Variants in TMEM45A observed in about 807,000 individuals in gnomAD.
TMEM45A encodes the protein DNA polymerase-transactivated protein 4.
In TMEM45A, 25 loss-of-function variants were observed where a neutral mutation model predicts 32.0. The ratio of observed to expected loss-of-function variants is 0.78; its 90% CI spans 0.57 to 1.09. The LOEUF (loss-of-function observed/expected upper bound fraction) is 1.09. TMEM45A is among the 50% of genes least tolerant of loss of function. The pLI is 0.00. For missense variants in TMEM45A, 302 were observed against 325.0 expected, an observed-to-expected ratio of 0.93 and a Z score of 0.54; for synonymous variants, 122 against 114.8, an observed-to-expected ratio of 1.06 and a Z score of -0.40.
intron 1 of TMEM45A, among the ~76,000 whole-genome samples, chr3:100,524,598 A>T (rs562750680): frequency 7.9e-4 from 120 of 152,264 alleles, no homozygotes; most frequent in African/African-American, 2.6e-3. Flanking sequence ...CCCAATTGAG[A>T]TGTGTTGTAA....
rs78085934 is a variant in TMEM45A at position 100,501,086 on chromosome 3, G to A, written c.-4+8158G>A. 4.4e-3 allele frequency among the ~76,000 whole-genome samples: 669 copies of A among 152,024 alleles called. 9 individuals are homozygous for A. The highest frequency in any genetic ancestry group is 0.016 in the African/African-American group (656 of 41,464). On this transcript the variant is annotated intron_variant, in intron 1 of 5. Coordinates refer to ENST00000323523, the MANE Select transcript of TMEM45A (RefSeq NM_018004.3). ...GAGAAAATTGATTTTTAAAAAATAC[G>A]ATATGCTTAAGGAAATTGATGTTTA...
intron 5 of TMEM45A, chr3:100,570,804 A>G (rs1403782785): frequency 6.6e-6 from 1 of 152,150 alleles, no homozygotes; most frequent in Non-Finnish European, 1.5e-5. Flanking sequence ...TGGACACTCC[A>G]TTTTTTATTT....
intron 1 of TMEM45A, among the ~76,000 whole-genome samples, chr3:100,545,084 A>G (rs897075141): frequency 6.6e-6 from 1 of 152,206 alleles, no homozygotes; most frequent in African/African-American, 2.4e-5. Flanking sequence ...ATGACTAATG[A>G]TCTCGAACAT....
At chr3:100,528,436 T>C (rs1453057655) in intron 1 of TMEM45A, among the ~76,000 whole-genome samples, 1 of 152,204 alleles carries the variant, frequency 6.6e-6, no homozygotes, top group Non-Finnish European at 1.5e-5. Context: ...CCTGACCTTC[T>C]GTGAAGTGAG....
At chr3:100,523,704 C>CCTTT (rs1292016982) in intron 1 of TMEM45A, among the ~76,000 whole-genome samples, 8 of 150,694 alleles carry the variant, frequency 5.3e-5, no homozygotes, top group African/African-American at 1.7e-4. Context: ...TCCTTCTCCT[C>CCTTT]CTCCTCCTTT....
At chr3:100,559,296 G>A (rs1178185318) in intron 4 of TMEM45A, among the ~76,000 whole-genome samples, 2 of 152,168 alleles carry the variant, frequency 1.3e-5, no homozygotes, top group Non-Finnish European at 2.9e-5. Flanking sequence ...GGTTTAATCA[G>A]GGAAGACTTC....
intron 1 of TMEM45A, among the ~76,000 whole-genome samples, chr3:100,533,872 C>A (rs527789816): frequency 1.3e-5 from 2 of 152,210 alleles, no homozygotes; most frequent in African/African-American, 4.8e-5. Flanking sequence ...AAATAACATG[C>A]CCAATGTCAA....
chr3:100,565,950 C>T (rs968459144), intron 4 of TMEM45A, among the ~76,000 whole-genome samples: 10 of 152,170 alleles, frequency 6.6e-5, no homozygotes, highest in Admixed American at 2.6e-4. Context: ...TCCTAGCCCC[C>T]GGTACCACTG....
intron 5 of TMEM45A, chr3:100,571,386 T>C (rs561832139): frequency 6.6e-6 from 1 of 152,126 alleles, no homozygotes; most frequent in Non-Finnish European, 1.5e-5. Flanking sequence ...CAACAAGTAT[T>C]GTTTACTGCA....
At chr3:100,558,105 T>G (rs865956927) in intron 3 of TMEM45A, among the ~76,000 whole-genome samples, 3 of 152,230 alleles carry the variant, frequency 2.0e-5, no homozygotes, top group Non-Finnish European at 2.9e-5. Flanking sequence ...GGAAAAGATA[T>G]TCATTCAAAA....
At chr3:100,518,684 T>C (rs1018687530) in intron 1 of TMEM45A, among the ~76,000 whole-genome samples, 1 of 152,228 alleles carries the variant, frequency 6.6e-6, no homozygotes, top group African/African-American at 2.4e-5. Flanking sequence ...TATTCATTCC[T>C]GAGTCGTATT....
intron 1 of TMEM45A, among the ~76,000 whole-genome samples, chr3:100,509,896 C>G (rs1708131068): frequency 6.6e-6 from 1 of 152,210 alleles, no homozygotes. Flanking sequence ...CACCCGAATA[C>G]TGCGCTTTTC....
intron 1 of TMEM45A, among the ~76,000 whole-genome samples, chr3:100,532,989 A>G (rs754479985): frequency 5.9e-5 from 9 of 152,194 alleles, no homozygotes; most frequent in Non-Finnish European, 1.3e-4. Context: ...GAGTTGCATT[A>G]TAATCCCTAT....
intron 1 of TMEM45A, among the ~76,000 whole-genome samples, chr3:100,495,572 A>G (rs1029075792): frequency 6.6e-6 from 1 of 152,192 alleles, no homozygotes; most frequent in African/African-American, 2.4e-5. Context: ...GGGAGATGGC[A>G]AGCCGAACTG....
chr3:100,495,408 T>C (rs530198568), intron 1 of TMEM45A, among the ~76,000 whole-genome samples: 1 of 152,274 alleles, frequency 6.6e-6, no homozygotes, highest in East Asian at 1.9e-4. Context: ...AAAGGCACTA[T>C]GGCTGGAAAG....
chr3:100,522,547 T>A (rs1261787055), intron 1 of TMEM45A, among the ~76,000 whole-genome samples: 2 of 152,192 alleles, frequency 1.3e-5, no homozygotes, highest in African/African-American at 4.8e-5. Flanking sequence ...GGTGCTGGCC[T>A]ATAGTCTAAT....
chr3:100,554,899 AG>A (rs1706182097), intron 1 of TMEM45A, among the ~76,000 whole-genome samples: 1 of 152,214 alleles, frequency 6.6e-6, no homozygotes, highest in South Asian at 2.1e-4. Context: ...CTAAAGAAAA[AG>A]GGGTAACAGT....
rs1708082258 is a variant in TMEM45A at position 100,506,494 on chromosome 3, C to G, written c.-4+13566C>G. ...TGAACTTCCATGCACATTTTTGTACCCTTAAAGAGTCCAACAGTTTAAACC... is the reference window on the plus strand; with the variant it reads ...TGAACTTCCATGCACATTTTTGTACGCTTAAAGAGTCCAACAGTTTAAACC... On this transcript the variant is annotated intron_variant, in intron 1 of 5. Transcript: ENST00000323523. Among the ~76,000 whole-genome samples, 7 of 152,232 alleles carry G rather than the reference C, an allele frequency of 4.6e-5. No homozygotes were observed. In the South Asian group the frequency reaches 1.5e-3, roughly 32 times the overall value.
At chr3:100,514,512 C>A (rs1433664858) in intron 1 of TMEM45A, among the ~76,000 whole-genome samples, 8 of 151,884 alleles carry the variant, frequency 5.3e-5, no homozygotes, top group Non-Finnish European at 7.4e-5. Context: ...AGACCTAAAA[C>A]CATAAAAACC....
Sources: allele counts gnomAD v4.1 joint callset (sites outside exome capture counted in the v4.1 genomes callset), GRCh38; gene constraint gnomAD v4.1.1; transcripts MANE v1.5; gene names NCBI Gene and HGNC (gene_info 2026-07-23, HGNC 2026-07-21).